MMP27: variants seen among roughly 807,000 people sequenced by gnomAD.
MMP27 encodes the protein matrix metallopeptidase 27.
In MMP27, 51 loss-of-function variants were observed where a neutral mutation model predicts 48.1. That is an observed-to-expected ratio of 1.06 (90% confidence interval 0.85 to 1.34). MMP27 has a LOEUF of 1.34. MMP27 is among the 40% of genes most tolerant of loss of function. The pLI is 0.00. For synonymous variants in MMP27, 229 were observed against 208.9 expected (o/e 1.10, Z -0.83); for missense variants, 698 against 619.3 (o/e 1.13, Z -1.35).
rs766105918 is a variant in MMP27, at chr11:102,702,869, C to G, written c.503G>C (p.Cys168Ser). The G allele has an allele frequency of 6.2e-7, 1 of 1,613,768 alleles. No individual in the cohort carries two copies. Among genetic ancestry groups the G allele is most frequent in the South Asian group, 1.1e-5 (1 of 90,964 alleles). ...IAFRTRVHGR[C>S]PRYFDGPLGV... is the part of the protein sequence containing the mutation. ...CAAGGGACCATCAAAATAGCGAGGA[C>G]ACCGACCATGGACTGAGATACAATT... The change falls in exon 4 of 10, where the codon TGT (cysteine) becomes TCT (serine). Residue 168 changes from cysteine to serine, a missense_variant. Transcript: ENST00000260229.
chr11:102,700,941 C>A (rs1340661682), intron 4 of MMP27, among the ~76,000 whole-genome samples: 1 of 152,246 alleles, frequency 6.6e-6, no homozygotes, highest in Non-Finnish European at 1.5e-5. Flanking sequence ...TTTTGCCACC[C>A]TTCCATAAAA....
intron 7 of MMP27, 48 bp downstream of exon 7, chr11:102,694,919 A>G (rs1860794974): frequency 6.2e-7 from 1 of 1,607,440 alleles, no homozygotes; most frequent in African/African-American, 1.3e-5. Context: ...TCCACTGGTT[A>G]GTTCAGGCAG....
Position 102,691,944 on chromosome 11 carries a change from C to T in MMP27, c.1364G>A (p.Arg455Gln), listed in dbSNP as rs773337936. Reference sequence around the variant, plus strand: ...AAACCAAGTATTAGTTCTCATGATTCGGGTAATATTCTTTGTCTTAATGTC... The same window carrying T: ...AAACCAAGTATTAGTTCTCATGATTTGGGTAATATTCTTTGTCTTAATGTC... ...EYDIKTKNIT[R>Q]IMRTNTWFQC... Residue 455 changes from arginine (R) to glutamine (Q), a missense_variant, in exon 10 of 10, where the codon CGA becomes CAA. By Grantham distance (43) the Arg-to-Gln change is conservative. Coordinates refer to ENST00000260229, the MANE Select transcript of MMP27 (RefSeq NM_022122.3). The T allele has an allele frequency of 2.3e-5, 37 of 1,612,900 alleles. No homozygotes were observed. Among genetic ancestry groups the T allele is most frequent in the East Asian group, 4.5e-5 (2 of 44,754 alleles).
At chr11:102,696,272 A>G (rs1860824294) in intron 6 of MMP27, 99 bp downstream of exon 6, 1 of 1,233,990 alleles carries the variant, frequency 8.1e-7, no homozygotes, top group East Asian at 2.4e-5. Flanking sequence ...GATAAAAGGC[A>G]CACATTTTCA....
At chr11:102,693,387 AT>A (rs1860760943) in intron 8 of MMP27, among the ~76,000 whole-genome samples, 1 of 151,654 alleles carries the variant, frequency 6.6e-6, no homozygotes, top group African/African-American at 2.4e-5. Context: ...CCAACTTTTT[AT>A]TTTATCTTAT....
At chr11:102,693,856 G>A in intron 8 of MMP27, 50 bp downstream of exon 8, 1 of 1,446,698 alleles carries the variant, frequency 6.9e-7, no homozygotes, top group Non-Finnish European at 9.3e-7. Flanking sequence ...ATGCTATTGT[G>A]AATATTTTTC....
intron 1 of MMP27, among the ~76,000 whole-genome samples, chr11:102,705,244 T>A (rs1015188810): frequency 1.3e-5 from 2 of 152,194 alleles, no homozygotes; most frequent in African/African-American, 4.8e-5. Context: ...TGTAAAGCAA[T>A]GTATTTTTTT....
rs370892682 is a variant in MMP27, at chr11:102,702,862, G to A, written c.510C>T (p.Arg170=). ...GCACTCCCAAGGGACCATCAAAATA[G>A]CGAGGACACCGACCATGGACTGAGA... ...FRTRVHGRCP[R]YFDGPLGVLG... The change falls in exon 4 of 10, where the codon CGC becomes CGT. Residue 170 remains arginine (R), a synonymous_variant. Coordinates refer to ENST00000260229, the MANE Select transcript of MMP27 (RefSeq NM_022122.3). 70 of 1,613,770 alleles carry A rather than the reference G, an allele frequency of 4.3e-5. No homozygotes were observed. Among genetic ancestry groups the A allele is most frequent in the Non-Finnish European group, 5.6e-5 (66 of 1,179,954 alleles).
At chr11:102,699,183 T>A (rs1860890247) in intron 4 of MMP27, among the ~76,000 whole-genome samples, 1 of 152,088 alleles carries the variant, frequency 6.6e-6, no homozygotes, top group South Asian at 2.1e-4. Flanking sequence ...ACCACCCTCT[T>A]GGGCCTGGCG....
chr11:102,705,193 C>T (rs900596204), intron 1 of MMP27, among the ~76,000 whole-genome samples: 1 of 152,040 alleles, frequency 6.6e-6, no homozygotes, highest in African/African-American at 2.4e-5. Flanking sequence ...TTGCTTTAAC[C>T]AAAAATAAAA....
At chr11:102,694,573 A>G (rs1208096968) in intron 7 of MMP27, among the ~76,000 whole-genome samples, 1 of 152,234 alleles carries the variant, frequency 6.6e-6, no homozygotes, top group Non-Finnish European at 1.5e-5. Flanking sequence ...ATAAATAAAT[A>G]CAAAATATTT....
chr11:102,691,949 A>C lies in MMP27; in HGVS notation c.1359T>G (p.Ile453Met). 1 of 1,613,140 alleles carries C rather than the reference A, an allele frequency of 6.2e-7. No homozygotes were observed. The highest frequency in any genetic ancestry group is 8.5e-7 in the Non-Finnish European group (1 of 1,179,528). The change falls in exon 10 of 10, where the codon ATT becomes ATG. Residue 453 changes from isoleucine (I) to methionine (M), a missense_variant. Ile to Met is a conservative substitution (Grantham distance 10, BLOSUM62 1). Coordinates refer to ENST00000260229, the MANE Select transcript of MMP27 (RefSeq NM_022122.3). ...AAGTATTAGTTCTCATGATTCGGGTAATATTCTTTGTCTTAATGTCGTATT... is the reference window on the plus strand; with the variant it reads ...AAGTATTAGTTCTCATGATTCGGGTCATATTCTTTGTCTTAATGTCGTATT... ...QFEYDIKTKN[I>M]TRIMRTNTWF...
intron 1 of MMP27, among the ~76,000 whole-genome samples, chr11:102,705,232 T>A (rs887940412): frequency 6.6e-6 from 1 of 152,234 alleles, no homozygotes; most frequent in Non-Finnish European, 1.5e-5. Context: ...TTAGAGGGAA[T>A]CTGTAAAGCA....
chr11:102,692,948 G>C lies in MMP27; in HGVS notation c.1287C>G (p.Phe429Leu). The change falls in exon 9 of 10, where the codon TTC becomes TTG. Residue 429 changes from phenylalanine to leucine, a missense_variant. Transcript: ENST00000260229. ...PGISIRVDAA[F>L]QYKGFFFFSR... is the part of the protein sequence containing the mutation. ...GACATCCATGCTTACCTTTGTACTGGAAAGCAGCATCAACACGGATACTGA... is the reference window on the plus strand; with the variant it reads ...GACATCCATGCTTACCTTTGTACTGCAAAGCAGCATCAACACGGATACTGA... 6.2e-7 allele frequency: 1 copy of C among 1,613,100 alleles called. No individual in the cohort carries two copies. The highest frequency in any genetic ancestry group is 8.5e-7 in the Non-Finnish European group (1 of 1,179,262).
rs772410919 is a variant in MMP27 at position 102,696,794 on chromosome 11, C to T, written c.661G>A (p.Ala221Thr). 6.2e-7 allele frequency: 1 copy of T among 1,612,536 alleles called. No individual in the cohort carries two copies. The highest frequency in any genetic ancestry group is 2.2e-5 in the East Asian group (1 of 44,832). Reference sequence around the variant, plus strand: ...TCATTGGAGTGAGAGAGCCCCAGTGCATGACCAAATTCATGAGCAGCCACA... The same window carrying T: ...TCATTGGAGTGAGAGAGCCCCAGTGTATGACCAAATTCATGAGCAGCCACA... ...FLVAAHEFGH[A>T]LGLSHSNDQT... The change falls in exon 5 of 10, where the codon GCA becomes ACA. Residue 221 changes from alanine to threonine, a missense_variant. Coordinates refer to ENST00000260229, the MANE Select transcript of MMP27 (RefSeq NM_022122.3).
chr11:102,704,469 T>C (rs954818929), intron 2 of MMP27, 68 bp downstream of exon 2: 8 of 1,225,692 alleles, frequency 6.5e-6, no homozygotes, highest in African/African-American at 1.5e-5. Context: ...ATGAATATTA[T>C]TCTGTTCCTT....
At chr11:102,704,081 T>C (rs1591663620) in intron 2 of MMP27, among the ~76,000 whole-genome samples, 1 of 152,194 alleles carries the variant, frequency 6.6e-6, no homozygotes, top group East Asian at 1.9e-4. Flanking sequence ...GGAAACACCC[T>C]ACTTTGCTCT....
chr11:102,693,820 AT>A, intron 8 of MMP27, 85 bp downstream of exon 8: 1 of 1,145,218 alleles, frequency 8.7e-7, no homozygotes, highest in Non-Finnish European at 1.2e-6. Context: ...TTATGGATTC[AT>A]TTTAATTTTG....
At chr11:102,700,253 C>T (rs756868348) in intron 4 of MMP27, among the ~76,000 whole-genome samples, 3 of 152,202 alleles carry the variant, frequency 2.0e-5, no homozygotes, top group Non-Finnish European at 4.4e-5. Flanking sequence ...TGTTATTGGC[C>T]ATATGACGCT....
Sources: gnomAD v4.1 joint callset for allele counts (sites outside exome capture counted in the v4.1 genomes callset) on GRCh38, gnomAD v4.1.1 for gene constraint, MANE v1.5 for transcripts, NCBI Gene and HGNC (gene_info 2026-07-23, HGNC 2026-07-21) for gene names.